MTSS1: variants seen among roughly 807,000 people sequenced by gnomAD.
MTSS1 encodes MTSS I-BAR domain containing 1, also known as protein MTSS 1.
In MTSS1, 18 loss-of-function variants were observed where a neutral mutation model predicts 79.0. The ratio of observed to expected loss-of-function variants is 0.23; its 90% CI spans 0.16 to 0.34. The LOEUF (loss-of-function observed/expected upper bound fraction) is 0.34. MTSS1 is among the 10% of genes least tolerant of loss of function. The pLI is 1.00. For missense variants in MTSS1, 815 were observed against 986.2 expected (o/e 0.83, Z 2.33); for synonymous variants, 341 against 368.6 (o/e 0.93, Z 0.86).
At chr8:124,624,753 C>T (rs570495379) in intron 3 of MTSS1, among the ~76,000 whole-genome samples, 11 of 152,296 alleles carry the variant, frequency 7.2e-5, no homozygotes, top group African/African-American at 2.6e-4. Flanking sequence ...AACCACCAGA[C>T]GGCTGGAAAT....
chr8:124,714,455 G>GTTGTTT (rs549638389), intron 1 of MTSS1, among the ~76,000 whole-genome samples: 1,553 of 152,080 alleles, frequency 0.01, 31 homozygotes, highest in African/African-American at 0.036. Context: ...AGTTTGCTCA[G>GTTGTTT]TTGTTTTTGT....
At chr8:124,556,038 C>G (rs1823660323) in intron 12 of MTSS1, 134 bp from the exon 13 acceptor site, 1 of 1,540,610 alleles carries the variant, frequency 6.5e-7, no homozygotes, top group South Asian at 1.2e-5. Context: ...CACTCTGACC[C>G]TAGAAAGTTC....
At chr8:124,622,143 T>C (rs1813682660) in intron 3 of MTSS1, among the ~76,000 whole-genome samples, 1 of 152,122 alleles carries the variant, frequency 6.6e-6, no homozygotes, top group African/African-American at 2.4e-5. Context: ...GATCCTGCCT[T>C]CTGCCACAAT....
intron 9 of MTSS1, 34 bp from the exon 10 acceptor site, chr8:124,563,026 C>A: frequency 6.4e-7 from 1 of 1,558,654 alleles, no homozygotes. Context: ...GGGGTGGGCA[C>A]GGAAGGTAAA....
intron 5 of MTSS1, among the ~76,000 whole-genome samples, chr8:124,588,149 A>G (rs899108581): frequency 2.0e-5 from 3 of 152,246 alleles, no homozygotes; most frequent in Non-Finnish European, 2.9e-5. Context: ...TCTGGTGGCT[A>G]CTGATAGTTG....
At chr8:124,568,091 T>G (rs1018908352) in intron 7 of MTSS1, 1 of 764,618 alleles carries the variant, frequency 1.3e-6, no homozygotes, top group African/African-American at 1.8e-5. Context: ...TTCTAGCCAG[T>G]TCCCACGTGA....
chr8:124,622,942 A>G (rs1394249157), intron 3 of MTSS1, among the ~76,000 whole-genome samples: 2 of 152,340 alleles, frequency 1.3e-5, no homozygotes, highest in Non-Finnish European at 1.5e-5. Flanking sequence ...CCTGACCCGG[A>G]AAGTAGGGAG....
chr8:124,633,052 T>C (rs1316682409), intron 3 of MTSS1, among the ~76,000 whole-genome samples: 1 of 152,068 alleles, frequency 6.6e-6, no homozygotes, highest in Non-Finnish European at 1.5e-5. Context: ...AGCTCACATC[T>C]ACAATTCCAG....
At chr8:124,704,636 T>C (rs1830152392) in intron 1 of MTSS1, among the ~76,000 whole-genome samples, 1 of 152,146 alleles carries the variant, frequency 6.6e-6, no homozygotes, top group Admixed American at 6.5e-5. Flanking sequence ...AATTAGACTA[T>C]CAGAATCTCA....
chr8:124,716,426 C>T (rs1015673558), intron 1 of MTSS1, among the ~76,000 whole-genome samples: 1 of 152,206 alleles, frequency 6.6e-6, no homozygotes, highest in Non-Finnish European at 1.5e-5. Context: ...GATGGGGACA[C>T]ATGTGCGGGA....
chr8:124,591,334 G>A, intron 3 of MTSS1, 99 bp from the exon 4 acceptor site: 1 of 967,250 alleles, frequency 1.0e-6, no homozygotes, highest in Non-Finnish European at 1.6e-6. Flanking sequence ...TCACCACATT[G>A]TAAAATATAA....
intron 3 of MTSS1, among the ~76,000 whole-genome samples, chr8:124,695,381 A>C (rs1432466440): frequency 6.6e-6 from 1 of 152,132 alleles, no homozygotes. Flanking sequence ...GGGAGTAACC[A>C]AGGATATTCT....
rs1828855053 is a variant in MTSS1 at position 124,696,561 on chromosome 8, A to C, written c.208+2965T>G. Among the ~76,000 whole-genome samples, 4 of 152,138 alleles carry C rather than the reference A, an allele frequency of 2.6e-5. No homozygotes were observed. In the South Asian group the frequency reaches 8.3e-4, roughly 32 times the overall value. ...ATCTGAAATCCCATGGTCTAAAAAT[A>C]TGTCAAAGCAGCCAGATGCGGTGGC... On this transcript the variant is annotated intron_variant, in intron 3 of 13. Coordinates refer to ENST00000518547, the MANE Select transcript of MTSS1 (RefSeq NM_014751.6).
chr8:124,681,341 GT>G (rs1366997457), intron 3 of MTSS1, among the ~76,000 whole-genome samples: 1 of 152,118 alleles, frequency 6.6e-6, no homozygotes, highest in East Asian at 1.9e-4. Flanking sequence ...AGCAGCAAAG[GT>G]TCTGCTTCTA....
chr8:124,677,420 T>C (rs751253355), intron 3 of MTSS1, among the ~76,000 whole-genome samples: 4 of 152,220 alleles, frequency 2.6e-5, no homozygotes, highest in Non-Finnish European at 5.9e-5. Flanking sequence ...TATGCCACTG[T>C]AGCATAAAAG....
intron 3 of MTSS1, among the ~76,000 whole-genome samples, chr8:124,604,562 G>A (rs1002260959): frequency 1.3e-5 from 2 of 150,780 alleles, no homozygotes; most frequent in African/African-American, 2.4e-5. Flanking sequence ...AATCTTCAAG[G>A]AAGAGAAAAA....
At chr8:124,672,265 G>A (rs576099432) in intron 3 of MTSS1, among the ~76,000 whole-genome samples, 34 of 152,328 alleles carry the variant, frequency 2.2e-4, no homozygotes, top group East Asian at 9.6e-4. Context: ...AGGCCAAGGC[G>A]GGTGGATGAC....
At chr8:124,636,760 G>A (rs552761019) in intron 3 of MTSS1, among the ~76,000 whole-genome samples, 13 of 152,268 alleles carry the variant, frequency 8.5e-5, no homozygotes, top group Admixed American at 6.5e-4. Flanking sequence ...TGGAGAGGGT[G>A]CCCTTGAAGG....
Position 124,555,924 on chromosome 8 carries a change from A to G in MTSS1, c.1405-20T>C. 2 of 1,590,416 alleles carry G rather than the reference A, an allele frequency of 1.3e-6. No individual in the cohort carries two copies. The highest frequency in any genetic ancestry group is 8.5e-7 in the Non-Finnish European group (1 of 1,173,756). On this transcript the variant is annotated intron_variant, in intron 12 of 13. Transcript: ENST00000518547. ...ACCAGGCTGCAGGTTGGAGGAGAGA[A>G]ATACACAGGTTGCTTTAGGGGGGGG...
Sources: gnomAD v4.1 joint callset for allele counts (sites outside exome capture counted in the v4.1 genomes callset) on GRCh38, gnomAD v4.1.1 for gene constraint, MANE v1.5 for transcripts, NCBI Gene and HGNC (gene_info 2026-07-23, HGNC 2026-07-21) for gene names.